Variants in CFAP299 observed in about 807,000 individuals in gnomAD.
CFAP299 encodes the protein cilia and flagella associated protein 299, also known as cilia- and flagella-associated protein 299.
CFAP299 carries 21 observed loss-of-function variants against 27.0 expected under a neutral mutation model. The ratio of observed to expected loss-of-function variants is 0.78; its 90% confidence interval spans 0.55 to 1.12. The LOEUF (loss-of-function observed/expected upper bound fraction) is 1.12. Ranked by LOEUF, CFAP299 falls within the 50% of genes most tolerant of loss-of-function variation. The pLI is 0.00. For synonymous variants in CFAP299, 104 were observed against 98.1 expected (o/e 1.06, Z -0.36); for missense variants, 310 against 276.6 (o/e 1.12, Z -0.86).
intron 2 of CFAP299, among the ~76,000 whole-genome samples, chr4:80,538,159 T>C (rs1463817384): frequency 6.6e-6 from 1 of 152,074 alleles, no homozygotes; most frequent in East Asian, 1.9e-4. Context: ...GTAAGTAAGT[T>C]TGTAGGTGTA....
chr4:80,958,858 T>C (rs1738195000), intron 5 of CFAP299, among the ~76,000 whole-genome samples: 1 of 152,194 alleles, frequency 6.6e-6, no homozygotes, highest in Non-Finnish European at 1.5e-5. Flanking sequence ...GGTAGTTATC[T>C]TCCATGAGGT....
At chr4:80,621,847 A>G (rs534155899) in intron 3 of CFAP299, among the ~76,000 whole-genome samples, 1 of 152,270 alleles carries the variant, frequency 6.6e-6, no homozygotes, top group South Asian at 2.1e-4. Flanking sequence ...AGAATTTTCC[A>G]GGTCTTAAAA....
chr4:80,608,299 C>T, intron 3 of CFAP299: 2 of 1,425,406 alleles, frequency 1.4e-6, no homozygotes, highest in Non-Finnish European at 1.9e-6. Flanking sequence ...GTGGAATACA[C>T]CTCAGTTGGA....
chr4:80,475,274 G>A (rs1730217850), intron 2 of CFAP299, among the ~76,000 whole-genome samples: 1 of 152,212 alleles, frequency 6.6e-6, no homozygotes, highest in Non-Finnish European at 1.5e-5. Context: ...TCTGGTTGTA[G>A]TGCAATGTGC....
intron 2 of CFAP299, among the ~76,000 whole-genome samples, chr4:80,478,031 C>T (rs76656559): frequency 2.0e-4 from 31 of 152,088 alleles, no homozygotes; most frequent in Non-Finnish European, 3.4e-4. Flanking sequence ...TTTACTCTCC[C>T]GCTGTCCTAA....
intron 3 of CFAP299, among the ~76,000 whole-genome samples, chr4:80,831,004 T>A (rs975521032): frequency 6.6e-6 from 1 of 152,104 alleles, no homozygotes; most frequent in African/African-American, 2.4e-5. Context: ...GCTAACATGT[T>A]CAGTGTTGCA....
chr4:80,883,972 G>A (rs1470692077), intron 4 of CFAP299, among the ~76,000 whole-genome samples: 1 of 152,046 alleles, frequency 6.6e-6, no homozygotes, highest in Non-Finnish European at 1.5e-5. Context: ...CCAGGTATTA[G>A]GCCTGGTACT....
intron 2 of CFAP299, among the ~76,000 whole-genome samples, chr4:80,528,471 C>CAGT: frequency 6.6e-6 from 1 of 152,112 alleles, no homozygotes; most frequent in Non-Finnish European, 1.5e-5. Flanking sequence ...TAGTTTGAGG[C>CAGT]AGTAATTCTC....
chr4:80,625,840 A>G (rs1301345307), intron 3 of CFAP299, among the ~76,000 whole-genome samples: 2 of 152,038 alleles, frequency 1.3e-5, no homozygotes, highest in African/African-American at 2.4e-5. Flanking sequence ...GGATATAACA[A>G]TTACAAATAT....
At chr4:80,347,246 C>G (rs1722776208) in intron 1 of CFAP299, among the ~76,000 whole-genome samples, 1 of 152,082 alleles carries the variant, frequency 6.6e-6, no homozygotes, top group Non-Finnish European at 1.5e-5. Flanking sequence ...TCTTCTTTTC[C>G]TATTTGAATA....
intron 4 of CFAP299, among the ~76,000 whole-genome samples, chr4:80,932,703 C>A (rs1220350441): frequency 1.3e-5 from 2 of 151,988 alleles, no homozygotes; most frequent in Admixed American, 1.3e-4. Context: ...TATGGCAAAA[C>A]TTTGGAAGCA....
chr4:80,364,322 AT>A (rs574832167), intron 2 of CFAP299, among the ~76,000 whole-genome samples: 16 of 151,988 alleles, frequency 1.1e-4, no homozygotes, highest in African/African-American at 3.6e-4. Flanking sequence ...CTTGGTTGTC[AT>A]TTGGGGGCTG....
chr4:80,872,837 G>A (rs763970779), intron 4 of CFAP299: 118 of 894,932 alleles, frequency 1.3e-4, no homozygotes, highest in Admixed American at 2.5e-4. Flanking sequence ...TATAAGATTC[G>A]TTTTATTTAT....
At chr4:80,459,532 C>G (rs985962306) in intron 2 of CFAP299, among the ~76,000 whole-genome samples, 2 of 152,150 alleles carry the variant, frequency 1.3e-5, no homozygotes, top group Admixed American at 1.3e-4. Context: ...ACTTTCACTC[C>G]TGCTCTAAAA....
chr4:80,889,874 C>T (rs1324528026), intron 4 of CFAP299, among the ~76,000 whole-genome samples: 5 of 152,034 alleles, frequency 3.3e-5, no homozygotes, highest in Admixed American at 6.6e-5. Context: ...GGACAAAAAA[C>T]ATATAGTCAT....
chr4:80,389,690 G>A (rs984094959), intron 2 of CFAP299, among the ~76,000 whole-genome samples: 9 of 152,144 alleles, frequency 5.9e-5, no homozygotes. Context: ...TTGGCTAACC[G>A]AGTTCATTAC....
intron 2 of CFAP299, among the ~76,000 whole-genome samples, chr4:80,537,041 G>A (rs1215312393): frequency 6.6e-6 from 1 of 151,944 alleles, no homozygotes; most frequent in African/African-American, 2.4e-5. Flanking sequence ...AATGAGCAAT[G>A]GAACTAAATA....
intron 3 of CFAP299, among the ~76,000 whole-genome samples, chr4:80,681,640 A>G (rs768061804): frequency 4.6e-5 from 7 of 152,190 alleles, no homozygotes; most frequent in Non-Finnish European, 8.8e-5. Flanking sequence ...TAAAAGAAAA[A>G]AAGGAGAAGC....
chr4:80,440,075 C>T (rs977373314), intron 2 of CFAP299, among the ~76,000 whole-genome samples: 1 of 152,162 alleles, frequency 6.6e-6, no homozygotes, highest in Admixed American at 6.5e-5. Flanking sequence ...GATAAAACTC[C>T]CATCTCCCTG....
Sources: gnomAD v4.1 joint callset for allele counts (sites outside exome capture counted in the v4.1 genomes callset) on GRCh38, gnomAD v4.1.1 for gene constraint, MANE v1.5 for transcripts, NCBI Gene and HGNC (gene_info 2026-07-23, HGNC 2026-07-21) for gene names.